The following TCEA3 variants were observed in gnomAD, a reference collection of about 807,000 sequenced individuals.
The protein encoded by TCEA3 is transcription elongation factor A protein 3.
A neutral mutation model predicts 44.0 loss-of-function variants in TCEA3; 36 were observed. That is an observed-to-expected ratio of 0.82 (90% CI 0.63 to 1.08). The LOEUF (loss-of-function observed/expected upper bound fraction) is 1.08, where lower values mean the gene tolerates loss of function less well. Among genes scored for constraint, TCEA3 ranks in the 50% least tolerant of loss-of-function variants. TCEA3 has a pLI of 0.00. For missense variants in TCEA3, 392 were observed against 441.2 expected (o/e 0.89, Z 1.00); for synonymous variants, 162 against 159.7 (o/e 1.01, Z -0.11).
chr1:23,382,600 C>T (rs1218031139), intron 10 of TCEA3, among the ~76,000 whole-genome samples: 2 of 152,210 alleles, frequency 1.3e-5, no homozygotes, highest in Non-Finnish European at 2.9e-5. Flanking sequence ...GGCTGTGCCG[C>T]CTGGAGGAAG....
chr1:23,403,071 G>A (rs1195212652), intron 5 of TCEA3, among the ~76,000 whole-genome samples: 4 of 152,230 alleles, frequency 2.6e-5, no homozygotes, highest in Non-Finnish European at 4.4e-5. Context: ...CCCAGGCAAC[G>A]CCATCTCCTG....
Position 23,397,806 on chromosome 1 carries a change from G to A in TCEA3, c.593C>T (p.Ala198Val). ...RDKCVEMLSA[A>V]LKADDDYKDY... ...GGCTCTCTCACCGTCCGCCTTCAGG[G>A]CTGCTGACAGCATCTCCACACACTT... is the stretch of plus-strand genomic sequence containing the variant. Residue 198 changes from alanine (A) to valine (V), a missense_variant, in exon 6 of 11, where the codon GCC (alanine) becomes GTC (valine). Ala to Val is a moderately conservative substitution (Grantham distance 64). Coordinates refer to ENST00000450454, the MANE Select transcript of TCEA3 (RefSeq NM_003196.3). 6.2e-7 allele frequency: 1 copy of A among 1,613,892 alleles called. No homozygotes were observed. The highest frequency in any genetic ancestry group is 8.5e-7 in the Non-Finnish European group (1 of 1,179,864).
intron 7 of TCEA3, among the ~76,000 whole-genome samples, chr1:23,394,476 C>T (rs1006610495): frequency 1.3e-4 from 20 of 152,104 alleles, no homozygotes; most frequent in African/African-American, 3.4e-4. Flanking sequence ...GACAAGGATG[C>T]GGATAACTTC....
chr1:23,397,900 T>G lies in TCEA3; in HGVS notation c.499A>C (p.Thr167Pro). 6.2e-7 allele frequency: 1 copy of G among 1,613,630 alleles called. No individual in the cohort carries two copies. Among genetic ancestry groups the G allele is most frequent in the South Asian group, 1.1e-5 (1 of 91,040 alleles). Reference protein sequence around the residue: ...ESPKTPSSPLTPTFASSMCLL... With the variant: ...ESPKTPSSPLPPTFASSMCLL... ...CACATGGAAGAGGCAAACGTGGGGG[T>G]CAAGGGGCTGCTAGGTGTTTTGGGG... Residue 167 changes from threonine to proline, a missense_variant, in exon 6 of 11, where the codon ACC becomes CCC. Coordinates refer to ENST00000450454, the MANE Select transcript of TCEA3 (RefSeq NM_003196.3).
chr1:23,424,087 G>A (rs893319258), intron 1 of TCEA3, among the ~76,000 whole-genome samples: 2 of 151,916 alleles, frequency 1.3e-5, no homozygotes, highest in African/African-American at 2.4e-5. Flanking sequence ...GACCCACTCC[G>A]GGGTGCAGGG....
Position 23,418,014 on chromosome 1 carries a change from A to G in TCEA3, c.133-5T>C. 1 of 1,613,900 alleles carries G rather than the reference A, an allele frequency of 6.2e-7. No individual in the cohort carries two copies. Among genetic ancestry groups the G allele is most frequent in the Non-Finnish European group, 8.5e-7 (1 of 1,179,778 alleles). The stretch of plus-strand genomic sequence containing the variant: ...AGCAACTCCAATCCTGGTTGTCTGC[A>G]AAGTGAGAGGGTTAAGGCATAATCT... On this transcript the variant is annotated splice_region_variant and splice_polypyrimidine_tract_variant and intron_variant, in intron 2 of 10. Transcript: ENST00000450454.
At chr1:23,383,827 A>G (rs1638742322) in intron 10 of TCEA3, 1 of 986,762 alleles carries the variant, frequency 1.0e-6, no homozygotes, top group Non-Finnish European at 1.2e-6. Flanking sequence ...CCTTTGCAGG[A>G]GCTGGGGCAG....
intron 4 of TCEA3, among the ~76,000 whole-genome samples, chr1:23,413,986 GTA>G (rs33960365): frequency 0.07 from 9,821 of 140,954 alleles, 883 homozygotes; most frequent in African/African-American, 0.22. Flanking sequence ...CTAGCAGGAT[GTA>G]TATATATATA....
chr1:23,395,326 G>T, intron 7 of TCEA3, among the ~76,000 whole-genome samples: 1 of 152,222 alleles, frequency 6.6e-6, no homozygotes, highest in East Asian at 1.9e-4. Context: ...CCACAGAGGG[G>T]ACGAGGCAGA....
At chr1:23,402,199 G>C (rs1639416033) in intron 5 of TCEA3, among the ~76,000 whole-genome samples, 1 of 152,202 alleles carries the variant, frequency 6.6e-6, no homozygotes, top group South Asian at 2.1e-4. Flanking sequence ...AATTAGCTGG[G>C]TATGGTGGCG....
chr1:23,407,920 C>T (rs1639589059), intron 5 of TCEA3, among the ~76,000 whole-genome samples: 2 of 152,012 alleles, frequency 1.3e-5, no homozygotes, highest in African/African-American at 4.8e-5. Context: ...CAGGTATAGG[C>T]TTTCTTTCTT....
intron 5 of TCEA3, among the ~76,000 whole-genome samples, chr1:23,399,144 GTATATATATATA>G (rs60424866): frequency 3.8e-4 from 23 of 61,146 alleles, no homozygotes; most frequent in East Asian, 1.5e-3. Flanking sequence ...ATGTATATAT[GTATATATATATA>G]TATATATATA....
chr1:23,413,420 G>T (rs1487353768), intron 4 of TCEA3, among the ~76,000 whole-genome samples: 2 of 151,186 alleles, frequency 1.3e-5, no homozygotes, highest in African/African-American at 4.9e-5. Context: ...GAGCCACTTT[G>T]CCCAGCCCAT....
intron 8 of TCEA3, among the ~76,000 whole-genome samples, chr1:23,392,781 C>T (rs1639101118): frequency 6.6e-6 from 1 of 151,510 alleles, no homozygotes; most frequent in Non-Finnish European, 1.5e-5. Flanking sequence ...ACCCACTCCA[C>T]ACATACACAG....
chr1:23,386,578 G>A (rs1483659187), intron 9 of TCEA3, among the ~76,000 whole-genome samples: 2 of 151,678 alleles, frequency 1.3e-5, no homozygotes, highest in East Asian at 1.9e-4. Context: ...TTTGGTTTGA[G>A]ACAGAGTCTC....
At chr1:23,420,689 C>T (rs539733379) in intron 1 of TCEA3, among the ~76,000 whole-genome samples, 1 of 152,294 alleles carries the variant, frequency 6.6e-6, no homozygotes, top group African/African-American at 2.4e-5. Flanking sequence ...GTAAAGAGAA[C>T]CGTTCTAATC....
chr1:23,400,933 T>C (rs935218211), intron 5 of TCEA3, among the ~76,000 whole-genome samples: 3 of 152,192 alleles, frequency 2.0e-5, no homozygotes, highest in Non-Finnish European at 4.4e-5. Flanking sequence ...ACTTTCAGGC[T>C]GTGGACATGC....
chr1:23,389,647 C>T (rs1638963089), intron 8 of TCEA3, among the ~76,000 whole-genome samples: 1 of 152,162 alleles, frequency 6.6e-6, no homozygotes, highest in Non-Finnish European at 1.5e-5. Flanking sequence ...GAGACTCCGT[C>T]TCAAAAAACA....
At chr1:23,412,140 G>A (rs1639728340) in intron 4 of TCEA3, 1 of 152,256 alleles carries the variant, frequency 6.6e-6, no homozygotes, top group Admixed American at 6.5e-5. Context: ...ACCAGACAAA[G>A]GAGAAGGCAT....
Sources: gnomAD v4.1 joint callset for allele counts (sites outside exome capture counted in the v4.1 genomes callset) on GRCh38, gnomAD v4.1.1 for gene constraint, MANE v1.5 for transcripts, NCBI Gene and HGNC (gene_info 2026-07-23, HGNC 2026-07-21) for gene names.